The following ANO2 variants were observed in gnomAD, a reference collection of about 807,000 sequenced individuals.
ANO2 encodes the protein anoctamin-2.
In ANO2, 101 loss-of-function variants were observed where a neutral mutation model predicts 124.2. The observed-to-expected ratio is 0.81, with a 90% confidence interval of 0.69 to 0.96. The LOEUF (loss-of-function observed/expected upper bound fraction) is 0.96. Among genes scored for constraint, ANO2 ranks in the 40% least tolerant of loss-of-function variants. The pLI is 0.00. For synonymous variants in ANO2, 486 were observed against 482.5 expected, an observed-to-expected ratio of 1.01 and a Z score of -0.09; for missense variants, 1,293 against 1,274.5, an observed-to-expected ratio of 1.01 and a Z score of -0.22.
chr12:5,726,696 T>A (rs919150768), intron 14 of ANO2, among the ~76,000 whole-genome samples: 1 of 152,260 alleles, frequency 6.6e-6, no homozygotes, highest in Non-Finnish European at 1.5e-5. Context: ...ATGTTACTTA[T>A]AATTTTATCA....
chr12:5,745,357 C>T (rs1181186759), intron 11 of ANO2, among the ~76,000 whole-genome samples: 1 of 152,228 alleles, frequency 6.6e-6, no homozygotes, highest in Non-Finnish European at 1.5e-5. Context: ...GAAAGCAAAG[C>T]ACTGGCTGTT....
intron 14 of ANO2, among the ~76,000 whole-genome samples, chr12:5,701,240 A>G (rs1949395568): frequency 6.6e-6 from 1 of 152,020 alleles, no homozygotes; most frequent in Admixed American, 6.6e-5. Context: ...CTAAATTTCT[A>G]TGAATTCATG....
intron 14 of ANO2, among the ~76,000 whole-genome samples, chr12:5,673,178 G>A (rs575644430): frequency 8.5e-5 from 13 of 152,314 alleles, no homozygotes; most frequent in African/African-American, 2.6e-4. Context: ...GGGGCACACT[G>A]AACCCCTTGC....
intron 20 of ANO2, among the ~76,000 whole-genome samples, chr12:5,592,592 T>C (rs959166145): frequency 2.0e-5 from 3 of 152,116 alleles, no homozygotes; most frequent in Admixed American, 6.5e-5. Flanking sequence ...CGTTGAAGGA[T>C]TTTAAGTAGA....
chr12:5,687,604 G>A (rs1948758670), intron 14 of ANO2, among the ~76,000 whole-genome samples: 1 of 152,260 alleles, frequency 6.6e-6, no homozygotes, highest in African/African-American at 2.4e-5. Flanking sequence ...CCAGATGCTA[G>A]CAGCGTGCAA....
At chr12:5,767,708 C>T (rs1374933377) in intron 10 of ANO2, among the ~76,000 whole-genome samples, 1 of 152,154 alleles carries the variant, frequency 6.6e-6, no homozygotes, top group African/African-American at 2.4e-5. Flanking sequence ...ATTCAAGACT[C>T]GAGCTACTTG....
intron 14 of ANO2, among the ~76,000 whole-genome samples, chr12:5,684,505 G>T (rs910247699): frequency 2.0e-5 from 3 of 152,196 alleles, no homozygotes; most frequent in African/African-American, 7.2e-5. Flanking sequence ...GGTCTTGGCT[G>T]AAAGTGAGTG....
intron 16 of ANO2, among the ~76,000 whole-genome samples, chr12:5,620,643 A>C (rs1027794946): frequency 6.6e-6 from 1 of 152,118 alleles, no homozygotes; most frequent in African/African-American, 2.4e-5. Flanking sequence ...TTGGAATTCT[A>C]TAGGAGTTGA....
At chr12:5,751,064 T>TA in intron 10 of ANO2, 94 bp from the exon 11 acceptor site, 1 of 1,232,214 alleles carries the variant, frequency 8.1e-7, no homozygotes, top group Non-Finnish European at 1.1e-6. Flanking sequence ...TGGGTCAACA[T>TA]AGATATTCAT....
intron 14 of ANO2, among the ~76,000 whole-genome samples, chr12:5,708,654 T>C (rs1017318713): frequency 6.6e-6 from 1 of 152,216 alleles, no homozygotes; most frequent in African/African-American, 2.4e-5. Context: ...AATTTCCTTA[T>C]CTGCAAGATA....
intron 3 of ANO2, among the ~76,000 whole-genome samples, chr12:5,865,306 C>T (rs1281979981): frequency 6.6e-6 from 1 of 151,434 alleles, no homozygotes. Flanking sequence ...ATCATGCCAT[C>T]ACATCACCAT....
intron 11 of ANO2, 146 bp downstream of exon 11, chr12:5,750,689 TG>T: frequency 1.2e-6 from 1 of 853,420 alleles, no homozygotes; most frequent in Non-Finnish European, 1.7e-6. Flanking sequence ...GATCTGTCTC[TG>T]GAGGAAAGCT....
At chr12:5,627,395 T>C (rs950282306) in intron 16 of ANO2, among the ~76,000 whole-genome samples, 2 of 152,118 alleles carry the variant, frequency 1.3e-5, no homozygotes, top group African/African-American at 2.4e-5. Context: ...TCAGGCCAGA[T>C]TGCAAATGAC....
At chr12:5,790,083 T>C (rs1198674589) in intron 10 of ANO2, among the ~76,000 whole-genome samples, 1 of 152,162 alleles carries the variant, frequency 6.6e-6, no homozygotes, top group African/African-American at 2.4e-5. Context: ...GTCCCTCAGG[T>C]CTACCTGAGA....
intron 16 of ANO2, among the ~76,000 whole-genome samples, chr12:5,615,616 C>T (rs1944765919): frequency 6.6e-6 from 1 of 152,158 alleles, no homozygotes. Context: ...GCAACCACCC[C>T]CTTTTCTGCA....
chr12:5,736,117 A>G (rs1479531991), intron 13 of ANO2, among the ~76,000 whole-genome samples: 4 of 152,240 alleles, frequency 2.6e-5, no homozygotes, highest in East Asian at 1.9e-4. Context: ...GAGTCCTTCA[A>G]TAAGTCCCAT....
chr12:5,706,926 G>T (rs1477067242), intron 14 of ANO2, among the ~76,000 whole-genome samples: 2 of 152,222 alleles, frequency 1.3e-5, no homozygotes, highest in African/African-American at 4.8e-5. Flanking sequence ...ACTGAAACTT[G>T]TAAGACCGGG....
At chr12:5,598,443 T>C (rs1365335729) in intron 20 of ANO2, among the ~76,000 whole-genome samples, 1 of 152,166 alleles carries the variant, frequency 6.6e-6, no homozygotes, top group Non-Finnish European at 1.5e-5. Flanking sequence ...GCAAGCTGTG[T>C]CTCCCAGGCT....
At chr12:5,574,597 A>G (rs1297611310) in intron 23 of ANO2, among the ~76,000 whole-genome samples, 2 of 151,806 alleles carry the variant, frequency 1.3e-5, no homozygotes, top group African/African-American at 4.8e-5. Context: ...ACTGTCACCA[A>G]CTCTGCAATA....
Sources: gnomAD v4.1 joint callset for allele counts (sites outside exome capture counted in the v4.1 genomes callset) on GRCh38, gnomAD v4.1.1 for gene constraint, MANE v1.5 for transcripts, NCBI Gene and HGNC (gene_info 2026-07-23, HGNC 2026-07-21) for gene names.